Variants in PDE1A observed in about 807,000 individuals in gnomAD.
PDE1A encodes the protein phosphodiesterase 1A.
In PDE1A, 35 loss-of-function variants were observed where a neutral mutation model predicts 61.7. The observed-to-expected ratio is 0.57, with a 90% CI of 0.43 to 0.75. The LOEUF (loss-of-function observed/expected upper bound fraction) is 0.75. Among genes scored for constraint, PDE1A ranks in the 30% least tolerant of loss-of-function variants. PDE1A has a pLI of 0.00. For missense variants in PDE1A, 597 were observed against 630.6 expected, an observed-to-expected ratio of 0.95 and a Z score of 0.57; for synonymous variants, 232 against 213.2, an observed-to-expected ratio of 1.09 and a Z score of -0.77.
chr2:182,658,047 T>TAA, the PDE1A span, among the ~76,000 whole-genome samples: 2,097 of 66,592 alleles, frequency 0.031, 114 homozygotes, highest in African/African-American at 0.07. Context: ...AGCTTCTCAG[T>TAA]AAAAAAAAAA....
At chr2:182,172,258 T>C (rs774658940) in intron 13 of PDE1A, among the ~76,000 whole-genome samples, 2 of 151,972 alleles carry the variant, frequency 1.3e-5, no homozygotes, top group Non-Finnish European at 2.9e-5. Flanking sequence ...ACAGAGCTCT[T>C]ACCTAGCCCT....
At chr2:182,688,377 C>T in the PDE1A span, among the ~76,000 whole-genome samples, 1 of 152,208 alleles carries the variant, frequency 6.6e-6, no homozygotes, top group Admixed American at 6.5e-5. Context: ...CAATATACAA[C>T]ATTCTTAAAG....
chr2:182,140,281 C>A (rs1372733528), exon 15 of PDE1A: 3 of 152,124 alleles, frequency 2.0e-5, no homozygotes, highest in African/African-American at 7.2e-5. Context: ...CATATATGCA[C>A]CATGCTTCCA....
At chr2:182,144,547 C>T (rs556943514), downstream of PDE1A, among the ~76,000 whole-genome samples, 19 of 152,278 alleles carry the variant, frequency 1.2e-4, no homozygotes, top group South Asian at 3.1e-3. Context: ...AGTCTCAACA[C>T]GGCACAGATT....
chr2:182,228,270 T>C (rs1689295858), intron 6 of PDE1A, among the ~76,000 whole-genome samples: 1 of 152,086 alleles, frequency 6.6e-6, no homozygotes, highest in East Asian at 1.9e-4. Flanking sequence ...CCTTATGACA[T>C]TAACAAACAG....
chr2:182,291,960 C>CAGAT (rs1319162607), intron 1 of PDE1A, among the ~76,000 whole-genome samples: 1 of 151,934 alleles, frequency 6.6e-6, no homozygotes, highest in African/African-American at 2.4e-5. Context: ...GGAGGTGAAA[C>CAGAT]AGATGCTCAG....
the PDE1A span, among the ~76,000 whole-genome samples, chr2:182,582,727 T>G: frequency 6.6e-6 from 1 of 152,118 alleles, no homozygotes; most frequent in African/African-American, 2.4e-5. Context: ...TGAGTTGAGA[T>G]CAAAGGGATA....
chr2:182,548,465 A>G, the PDE1A span, among the ~76,000 whole-genome samples: 2 of 152,240 alleles, frequency 1.3e-5, no homozygotes, highest in Admixed American at 1.3e-4. Flanking sequence ...GTGGATCCCA[A>G]TCTGTGCCTG....
chr2:182,223,605 T>C (rs1688907257), intron 7 of PDE1A, among the ~76,000 whole-genome samples: 2 of 151,954 alleles, frequency 1.3e-5, no homozygotes, highest in South Asian at 4.1e-4. Context: ...ACAGTGTAAG[T>C]TCTGGGCAGA....
In PDE1A at chr2:182,295,057, C is replaced by CTTTTTTTTTTTTTTTTTTTTTTTTTTTTT. The variant is rs11420821; in HGVS notation, c.54-30644_54-30643insAAAAAAAAAAAAAAAAAAAAAAAAAAAAA. 5.1e-5 allele frequency among the ~76,000 whole-genome samples: 3 copies of CTTTTTTTTTTTTTTTTTTTTTTTTTTTTT among 59,350 alleles called. 1 individual carries two copies. Among genetic ancestry groups the CTTTTTTTTTTTTTTTTTTTTTTTTTTTTT allele is most frequent in the Non-Finnish European group, 8.9e-5 (3 of 33,744 alleles). 38.9% of individuals were successfully genotyped at this position (59,350 alleles called of 152,430 possible). A position where few individuals can be genotyped will look rare whatever the true frequency, so the allele number is the denominator to read the frequency against. ...ACGACCAATCAAAATAAAAGGTAAT[C>CTTTTTTTTTTTTTTTTTTTTTTTTTTTTT]TTTTTTTTTTTTTTTTTTTTTTTTT... On this transcript the variant is annotated intron_variant, in intron 1 of 13. Coordinates refer to ENST00000351439, the Ensembl canonical transcript of PDE1A.
the PDE1A span, among the ~76,000 whole-genome samples, chr2:182,665,545 T>A: frequency 6.6e-6 from 1 of 152,114 alleles, no homozygotes; most frequent in Non-Finnish European, 1.5e-5. Flanking sequence ...AGAATGGCAA[T>A]TATTAAAAAG....
At chr2:182,164,796 G>C (rs1345954275), downstream of PDE1A, among the ~76,000 whole-genome samples, 1 of 152,108 alleles carries the variant, frequency 6.6e-6, no homozygotes, top group African/African-American at 2.4e-5. Context: ...AGAAGGGGCA[G>C]CATTTTGTCC....
At chr2:182,218,696 T>A (rs1688454988) in intron 7 of PDE1A, among the ~76,000 whole-genome samples, 1 of 152,102 alleles carries the variant, frequency 6.6e-6, no homozygotes, top group African/African-American at 2.4e-5. Context: ...GTAAAATGCT[T>A]TTTCTGCATT....
At chr2:182,645,337 C>T in the PDE1A span, among the ~76,000 whole-genome samples, 6 of 152,070 alleles carry the variant, frequency 3.9e-5, no homozygotes, top group African/African-American at 1.4e-4. Flanking sequence ...ATAAATATTC[C>T]GTTTTACCTG....
intron 1 of PDE1A, among the ~76,000 whole-genome samples, chr2:182,267,517 C>T (rs1692722394): frequency 6.6e-6 from 1 of 151,914 alleles, no homozygotes; most frequent in African/African-American, 2.4e-5. Context: ...TGGGGGGTTA[C>T]TAGGACTCGT....
At chr2:182,483,034 C>T (rs1025923343) in intron 2 of PDE1A, among the ~76,000 whole-genome samples, 2 of 151,852 alleles carry the variant, frequency 1.3e-5, no homozygotes, top group East Asian at 1.9e-4. Flanking sequence ...GCTGATGTGG[C>T]TGTATTAATA....
At chr2:182,399,093 C>T (rs10497598) in intron 1 of PDE1A, among the ~76,000 whole-genome samples, 23,436 of 151,746 alleles carry the variant, frequency 0.15, 2,235 homozygotes, top group Middle Eastern at 0.31. Context: ...TTCAAAATTA[C>T]GGCCAGTTTT....
rs542489793 is a variant in PDE1A, at chr2:182,231,137, G to C, written c.418-6C>G. On this transcript the variant is annotated splice_polypyrimidine_tract_variant and splice_region_variant and intron_variant, in intron 4 of 13. Transcript: ENST00000351439. ...AAAGACCATTTATCAACATCCTGTA[G>C]AAAAAAGAATAAATACTTTAGGTGC... 13 of 1,436,162 alleles carry C rather than the reference G, an allele frequency of 9.1e-6. No homozygotes were observed. The highest frequency in any genetic ancestry group is 1.2e-5 in the South Asian group (1 of 85,090). 89.0% of individuals were successfully genotyped at this position (1,436,162 alleles called of 1,614,324 possible).
intron 1 of PDE1A, among the ~76,000 whole-genome samples, chr2:182,357,958 A>G (rs905529125): frequency 6.6e-6 from 1 of 152,186 alleles, no homozygotes; most frequent in Admixed American, 6.6e-5. Context: ...ATGCCTGCAG[A>G]TCAAGGTAGG....
Sources: gnomAD v4.1 joint callset for allele counts (sites outside exome capture counted in the v4.1 genomes callset) on GRCh38, gnomAD v4.1.1 for gene constraint, MANE v1.5 for transcripts, NCBI Gene and HGNC (gene_info 2026-07-23, HGNC 2026-07-21) for gene names.